ANO10: variants seen among roughly 807,000 people sequenced by gnomAD.
ANO10 encodes anoctamin-10.
In ANO10, 77 loss-of-function variants were observed where a neutral mutation model predicts 74.7. The observed-to-expected ratio is 1.03, with a 90% confidence interval of 0.86 to 1.25. The LOEUF (loss-of-function observed/expected upper bound fraction) is 1.25. Among genes scored for constraint, ANO10 ranks in the 50% most tolerant of loss-of-function variants. The pLI is 0.00. For synonymous variants in ANO10, 279 were observed against 284.9 expected (o/e 0.98, Z 0.21); for missense variants, 721 against 778.1 (o/e 0.93, Z 0.87).
intron 11 of ANO10, among the ~76,000 whole-genome samples, chr3:43,466,133 G>A (rs1390993335): frequency 6.6e-6 from 1 of 152,086 alleles, no homozygotes; most frequent in Non-Finnish European, 1.5e-5. Flanking sequence ...GCACCCTTGG[G>A]AGGCTGAGGA....
intron 5 of ANO10, among the ~76,000 whole-genome samples, chr3:43,580,143 A>C (rs1175859156): frequency 2.5e-5 from 3 of 121,362 alleles, no homozygotes; most frequent in African/African-American, 5.9e-5. Flanking sequence ...ACCCTATCTC[A>C]AAAAAAAAAA....
At chr3:43,374,574 T>C (rs541925977) in intron 12 of ANO10, among the ~76,000 whole-genome samples, 12 of 152,160 alleles carry the variant, frequency 7.9e-5, no homozygotes, top group Non-Finnish European at 1.5e-4. Flanking sequence ...TATAATAATA[T>C]CACCCAACTA....
intron 11 of ANO10, among the ~76,000 whole-genome samples, chr3:43,438,069 A>C (rs976074131): frequency 1.3e-5 from 2 of 152,164 alleles, no homozygotes; most frequent in African/African-American, 4.8e-5. Flanking sequence ...CAGAAAGAGA[A>C]TATATCAGCA....
At chr3:43,485,257 T>C (rs1409653735) in intron 11 of ANO10, 1 of 623,340 alleles carries the variant, frequency 1.6e-6, no homozygotes, top group Non-Finnish European at 2.9e-6. Flanking sequence ...GAGGCAGGAC[T>C]AGCTGCTGTT....
chr3:43,685,517 A>G (rs2084263990), intron 1 of ANO10, among the ~76,000 whole-genome samples: 1 of 152,100 alleles, frequency 6.6e-6, no homozygotes, highest in African/African-American at 2.4e-5. Context: ...ATGTGTCTCT[A>G]TGTGCACATG....
intron 4 of ANO10, among the ~76,000 whole-genome samples, chr3:43,581,526 T>G (rs1472899697): frequency 6.6e-6 from 1 of 152,216 alleles, no homozygotes; most frequent in East Asian, 1.9e-4. Flanking sequence ...TCTGTAGATA[T>G]GGAGAACTCA....
intron 1 of ANO10, among the ~76,000 whole-genome samples, chr3:43,639,840 G>A (rs1054883124): frequency 6.6e-6 from 1 of 151,988 alleles, no homozygotes; most frequent in African/African-American, 2.4e-5. Context: ...TAGAAAGTAG[G>A]ACCTGGCACA....
At chr3:43,594,565 A>C (rs542445329) in intron 4 of ANO10, among the ~76,000 whole-genome samples, 1 of 152,344 alleles carries the variant, frequency 6.6e-6, no homozygotes, top group East Asian at 1.9e-4. Context: ...GAAACCAATG[A>C]GAATAAAGAC....
In ANO10 at chr3:43,545,756, A is replaced by C. The variant is rs571139029; in HGVS notation, c.1797+3964T>G. Among the ~76,000 whole-genome samples the C allele has an allele frequency of 1.9e-4, 29 of 152,308 alleles. No individual in the cohort carries two copies. The South Asian group carries it at 5.8e-3, about 30-fold the overall frequency. ...ACAAATAAAAATTGAAATATATTTA[A>C]GTTATACAACATATTTTGAAATATG... On this transcript the variant is annotated intron_variant, in intron 11 of 12. Coordinates refer to ENST00000292246, the MANE Select transcript of ANO10 (RefSeq NM_018075.5).
At chr3:43,552,002 C>T (rs1340810932) in intron 10 of ANO10, among the ~76,000 whole-genome samples, 2 of 152,150 alleles carry the variant, frequency 1.3e-5, no homozygotes, top group African/African-American at 4.8e-5. Flanking sequence ...CATTTCTCTG[C>T]TTTCTTTTTC....
chr3:43,413,602 A>G (rs1364820950), intron 12 of ANO10, among the ~76,000 whole-genome samples: 1 of 151,314 alleles, frequency 6.6e-6, no homozygotes, highest in African/African-American at 2.4e-5. Flanking sequence ...CAGAACCATG[A>G]GCCAATTAAA....
Position 43,591,600 on chromosome 3 carries a change from A to T in ANO10, c.472+6932T>A, listed in dbSNP as rs977553286. On this transcript the variant is annotated intron_variant, in intron 4 of 12. Coordinates refer to ENST00000292246, the MANE Select transcript of ANO10 (RefSeq NM_018075.5). ...GAAGATTGGAAGGTGGTATTACACT[A>T]TTAAAAGTAAACCATGAGAGGTTCC... Among the ~76,000 whole-genome samples the T allele has an allele frequency of 2.6e-5, 4 of 152,274 alleles. No homozygotes were observed. In the East Asian group the frequency reaches 7.7e-4, roughly 29 times the overall value.
chr3:43,588,961 T>C (rs967387064), intron 4 of ANO10, among the ~76,000 whole-genome samples: 1 of 152,118 alleles, frequency 6.6e-6, no homozygotes, highest in Non-Finnish European at 1.5e-5. Context: ...GAAAACAAAG[T>C]ACAAGGGACA....
chr3:43,663,935 T>C (rs1021407667), intron 1 of ANO10, among the ~76,000 whole-genome samples: 1 of 152,114 alleles, frequency 6.6e-6, no homozygotes, highest in Non-Finnish European at 1.5e-5. Context: ...AGAATCAATA[T>C]CATGAAAACG....
intron 1 of ANO10, among the ~76,000 whole-genome samples, chr3:43,610,918 C>T (rs536686160): frequency 6.6e-6 from 1 of 152,102 alleles, no homozygotes; most frequent in South Asian, 2.1e-4. Flanking sequence ...CCCAAAAGAA[C>T]CTGCATTTTT....
chr3:43,390,672 C>A (rs2092253531), intron 12 of ANO10, among the ~76,000 whole-genome samples: 1 of 152,268 alleles, frequency 6.6e-6, no homozygotes, highest in Non-Finnish European at 1.5e-5. Context: ...TGGGGGTGAG[C>A]CAGAAGACTT....
chr3:43,510,278 A>C (rs1039591319), intron 11 of ANO10, among the ~76,000 whole-genome samples: 2 of 152,072 alleles, frequency 1.3e-5, no homozygotes, highest in Non-Finnish European at 2.9e-5. Flanking sequence ...AAAAATACAA[A>C]AAGTTAGCCA....
At chr3:43,399,895 G>C (rs2092448993) in intron 12 of ANO10, among the ~76,000 whole-genome samples, 1 of 151,948 alleles carries the variant, frequency 6.6e-6, no homozygotes, top group African/African-American at 2.4e-5. Context: ...CCTTCCCTAA[G>C]CTCCCACCCC....
At chr3:43,608,876 G>A (rs948579113) in intron 1 of ANO10, among the ~76,000 whole-genome samples, 1 of 152,132 alleles carries the variant, frequency 6.6e-6, no homozygotes, top group Non-Finnish European at 1.5e-5. Flanking sequence ...CCATGTGCCT[G>A]GCCAAGAGTG....
Sources: allele counts gnomAD v4.1 joint callset (sites outside exome capture counted in the v4.1 genomes callset), GRCh38; gene constraint gnomAD v4.1.1; transcripts MANE v1.5; gene names NCBI Gene and HGNC (gene_info 2026-07-23, HGNC 2026-07-21).